The following SYNPR variants were observed in gnomAD, a reference collection of about 807,000 sequenced individuals.
The protein encoded by SYNPR is synaptoporin.
A neutral mutation model predicts 32.9 loss-of-function variants in SYNPR; 23 were observed. The ratio of observed to expected loss-of-function variants is 0.70; its 90% CI spans 0.50 to 0.99. SYNPR has a LOEUF of 0.99. Ranked by LOEUF, SYNPR falls within the 50% of genes least tolerant of loss-of-function variation. The probability of loss-of-function intolerance (pLI) is 0.00; values close to 1 mark genes in which losing one functional copy is unlikely to be tolerated. For missense variants in SYNPR, 318 were observed against 349.3 expected (o/e 0.91, Z 0.71); for synonymous variants, 146 against 135.9 (o/e 1.07, Z -0.52).
intron 3 of SYNPR, among the ~76,000 whole-genome samples, chr3:63,547,592 C>T (rs1357701678): frequency 2.0e-5 from 3 of 152,044 alleles, no homozygotes; most frequent in African/African-American, 7.2e-5. Context: ...GGCCGCAGTT[C>T]CCATATATTC....
intron 2 of SYNPR, among the ~76,000 whole-genome samples, chr3:63,429,331 C>G (rs1421023934): frequency 6.6e-6 from 1 of 152,168 alleles, no homozygotes; most frequent in East Asian, 1.9e-4. Context: ...CCTCAAACTA[C>G]TAAAGTTAAA....
chr3:63,524,508 G>A lies in SYNPR; in HGVS notation c.210-32035G>A, dbSNP rs116258703. ...AAACAATTGGCCACACATTTGAAGCGTGGCATTCTGGGTTCTGTTTTTGTC... is the reference window on the plus strand; with the variant it reads ...AAACAATTGGCCACACATTTGAAGCATGGCATTCTGGGTTCTGTTTTTGTC... On this transcript the variant is annotated intron_variant, in intron 3 of 5. Transcript: ENST00000478300. Among the ~76,000 whole-genome samples the A allele has an allele frequency of 5.7e-4, 87 of 152,192 alleles. 1 individual carries two copies. The highest frequency in any genetic ancestry group is 2.0e-3 in the African/African-American group (82 of 41,520).
chr3:63,471,921 G>A (rs1468453265), intron 2 of SYNPR, among the ~76,000 whole-genome samples: 2 of 152,186 alleles, frequency 1.3e-5, no homozygotes, highest in Non-Finnish European at 2.9e-5. Context: ...CAATTAGGAG[G>A]AGGAACTTGT....
intron 2 of SYNPR, among the ~76,000 whole-genome samples, chr3:63,451,749 C>T (rs1244149055): frequency 4.6e-5 from 7 of 152,118 alleles, no homozygotes; most frequent in African/African-American, 1.7e-4. Context: ...CGGAGAAAGC[C>T]TCTCTTTGCC....
At chr3:63,533,170 T>A (rs1702140348) in intron 3 of SYNPR, among the ~76,000 whole-genome samples, 1 of 152,196 alleles carries the variant, frequency 6.6e-6, no homozygotes, top group African/African-American at 2.4e-5. Context: ...TTCTAGGATC[T>A]GGGACAGGGT....
intron 2 of SYNPR, among the ~76,000 whole-genome samples, chr3:63,292,342 G>C (rs1008310227): frequency 6.6e-6 from 1 of 152,126 alleles, no homozygotes; most frequent in African/African-American, 2.4e-5. Flanking sequence ...TCAAACATTT[G>C]TCACTTGTTT....
intron 2 of SYNPR, among the ~76,000 whole-genome samples, chr3:63,325,970 G>A (rs1423688989): frequency 6.6e-6 from 1 of 151,990 alleles, no homozygotes; most frequent in African/African-American, 2.4e-5. Flanking sequence ...GTCCAAGATA[G>A]AACCAGAAGA....
chr3:63,542,459 T>G (rs1702323208), intron 3 of SYNPR, among the ~76,000 whole-genome samples: 1 of 152,038 alleles, frequency 6.6e-6, no homozygotes, highest in East Asian at 1.9e-4. Flanking sequence ...CCTTTAGGAA[T>G]GAGATAAAGG....
At chr3:63,446,951 A>C (rs558156331) in intron 2 of SYNPR, among the ~76,000 whole-genome samples, 4 of 152,198 alleles carry the variant, frequency 2.6e-5, no homozygotes, top group Non-Finnish European at 5.9e-5. Flanking sequence ...ATACATTTCC[A>C]AAATGATAGT....
chr3:63,405,221 G>T (rs1213386166), intron 2 of SYNPR, among the ~76,000 whole-genome samples: 4 of 152,162 alleles, frequency 2.6e-5, no homozygotes, highest in African/African-American at 9.7e-5. Flanking sequence ...GCTGTCTATG[G>T]AAAGGGGCTT....
chr3:63,339,011 G>C (rs144176164), intron 2 of SYNPR, among the ~76,000 whole-genome samples: 52 of 152,276 alleles, frequency 3.4e-4, no homozygotes, highest in African/African-American at 1.2e-3. Context: ...TCCTCCTCAG[G>C]AATCTTTGCC....
rs1454931403 is a variant in SYNPR at position 63,609,161 on chromosome 3, T to G, written c.445T>G (p.Leu149Val). 6.2e-7 allele frequency: 1 copy of G among 1,611,158 alleles called. No homozygotes were observed. Among genetic ancestry groups the G allele is most frequent in the South Asian group, 1.1e-5 (1 of 90,248 alleles). The stretch of plus-strand genomic sequence containing the variant: ...CACTGTAGTCTTTTCGTTCTTGTGG[T>G]TGGTGGGTTCATCAGCTTGGGCAAA... ...IVTVVFSFLW[L>V]VGSSAWAKGL... is the part of the protein sequence containing the mutation. The change falls in exon 5 of 6, where the codon TTG becomes GTG. Residue 149 changes from leucine to valine, a missense_variant. Leu to Val is a conservative substitution (Grantham distance 32, BLOSUM62 1). Coordinates refer to ENST00000478300, the MANE Select transcript of SYNPR (RefSeq NM_001130003.2).
At chr3:63,393,006 T>C (rs2088159425) in intron 2 of SYNPR, among the ~76,000 whole-genome samples, 1 of 152,206 alleles carries the variant, frequency 6.6e-6, no homozygotes, top group African/African-American at 2.4e-5. Context: ...CGTGGAAAAC[T>C]AAATGGTGTG....
chr3:63,413,351 C>T (rs2088494780), intron 2 of SYNPR, among the ~76,000 whole-genome samples: 1 of 152,120 alleles, frequency 6.6e-6, no homozygotes, highest in Non-Finnish European at 1.5e-5. Context: ...TTGCTACAGG[C>T]TAACAGGCCA....
chr3:63,205,350 AG>A, the SYNPR span, among the ~76,000 whole-genome samples: 1 of 152,258 alleles, frequency 6.6e-6, no homozygotes, highest in South Asian at 2.1e-4. Flanking sequence ...TTTTCCAAGC[AG>A]ATGTCCCTAC....
intron 2 of SYNPR, among the ~76,000 whole-genome samples, chr3:63,312,397 C>T (rs1187791608): frequency 2.0e-5 from 3 of 151,926 alleles, no homozygotes; most frequent in Non-Finnish European, 4.4e-5. Context: ...ATCTCTATTT[C>T]CTTAGTCAGC....
intron 3 of SYNPR, among the ~76,000 whole-genome samples, chr3:63,530,007 G>C (rs1702082590): frequency 6.6e-6 from 1 of 152,056 alleles, no homozygotes; most frequent in African/African-American, 2.4e-5. Context: ...TAGCGGGAAG[G>C]GACACTTCAG....
chr3:63,234,170 G>A (rs148864608), intron 1 of SYNPR, among the ~76,000 whole-genome samples: 2,299 of 152,216 alleles, frequency 0.015, 60 homozygotes, highest in African/African-American at 0.052. Flanking sequence ...AGCAAGTCAC[G>A]TCTTACATGG....
intron 2 of SYNPR, among the ~76,000 whole-genome samples, chr3:63,284,117 T>G (rs1363919362): frequency 1.3e-5 from 2 of 152,182 alleles, no homozygotes; most frequent in African/African-American, 2.4e-5. Flanking sequence ...CCACAGGTAA[T>G]TCTTATTTTG....
Sources: gnomAD v4.1 joint callset for allele counts (sites outside exome capture counted in the v4.1 genomes callset) on GRCh38, gnomAD v4.1.1 for gene constraint, MANE v1.5 for transcripts, NCBI Gene and HGNC (gene_info 2026-07-23, HGNC 2026-07-21) for gene names.